Variants in PAX1 observed in about 807,000 individuals in gnomAD.
The protein encoded by PAX1 is paired box protein Pax-1.
PAX1 carries 18 observed loss-of-function variants against 35.6 expected under a neutral mutation model. That is an observed-to-expected ratio of 0.50 (90% confidence interval 0.35 to 0.75). PAX1 has a LOEUF of 0.75. Among genes scored for constraint, PAX1 ranks in the 30% least tolerant of loss-of-function variants. The pLI is 0.01. For missense variants in PAX1, 760 were observed against 661.5 expected (o/e 1.15, Z -1.63); for synonymous variants, 397 against 305.2 (o/e 1.30, Z -3.14).
intron 4 of PAX1, among the ~76,000 whole-genome samples, chr20:21,713,260 G>A (rs1000287831): frequency 4.6e-5 from 7 of 152,194 alleles, no homozygotes; most frequent in African/African-American, 1.7e-4. Context: ...TTGGCTGGGC[G>A]GCCACAACTT....
At chr20:21,707,621 A>G (rs1985060019) in intron 2 of PAX1, among the ~76,000 whole-genome samples, 1 of 152,186 alleles carries the variant, frequency 6.6e-6, no homozygotes, top group Non-Finnish European at 1.5e-5. Flanking sequence ...TTTATCTGCA[A>G]CTAAAGCTTA....
At position 21,706,503 on chromosome 20, in the gene PAX1, G is replaced by C; in HGVS notation, c.352G>C (p.Ala118Pro). ...VFVNGRPLPN[A>P]IRLRIVELAQ... ...CGTCAACGGCCGCCCCCTGCCCAAC[G>C]CCATCCGCTTGCGCATTGTGGAGCT... Residue 118 changes from alanine (A) to proline (P), a missense_variant, in exon 2 of 5, where the codon GCC becomes CCC. Physicochemically the swap from Ala to Pro is conservative, Grantham distance 27. Coordinates refer to ENST00000613128, the MANE Select transcript of PAX1 (RefSeq NM_001257096.2). This position sits in a 1 kb window ranked among gnomAD's most constrained non-coding sequence, Gnocchi z 5.3. 1 of 1,612,126 alleles carries C rather than the reference G, an allele frequency of 6.2e-7. No homozygotes were observed. The highest frequency in any genetic ancestry group is 1.1e-5 in the South Asian group (1 of 91,072).
rs1985330921 is a variant in PAX1, at chr20:21,715,218, C to T, written c.*656C>T. 2 of 243,280 alleles carry T rather than the reference C, an allele frequency of 8.2e-6. No homozygotes were observed. The highest frequency in any genetic ancestry group is 1.1e-4 in the Admixed American group (2 of 19,034). The allele number at this position is 243,280 out of a possible 1,614,324, so 15.1% of individuals were successfully genotyped here. On this transcript the variant is annotated 3_prime_UTR_variant, in exon 5 of 5. Coordinates refer to ENST00000613128, the MANE Select transcript of PAX1 (RefSeq NM_001257096.2). ...ACTGCTTCCCCAACCCTCCCTCAGT[C>T]CCTGAGAGCCCTAGAGCCATCTCGG...
At chr20:21,707,220 C>T (rs1985049130) in intron 2 of PAX1, among the ~76,000 whole-genome samples, 153 bp downstream of exon 2, 2 of 152,082 alleles carry the variant, frequency 1.3e-5, no homozygotes, top group Admixed American at 6.5e-5. Context: ...GGGTCCTGGG[C>T]CTTTTGTAAG....
Position 21,706,400 on chromosome 20 carries a change from C to CT in PAX1, c.287-37dup, listed in dbSNP as rs746618411. ...CCTTGGCTAACCCGCCGGGTGTTTT[C>CT]TCCCCCTCCGGCTCACTCTTGTCTG... On this transcript the variant is annotated intron_variant, in intron 1 of 4. Coordinates refer to ENST00000613128, the MANE Select transcript of PAX1 (RefSeq NM_001257096.2). This position sits in a 1 kb window ranked among gnomAD's most constrained non-coding sequence, Gnocchi z 5.3. 4.4e-6 allele frequency: 7 copies of CT among 1,608,560 alleles called. No homozygotes were observed. The highest frequency in any genetic ancestry group is 1.3e-5 in the African/African-American group (1 of 75,072).
chr20:21,706,527 C>A lies in PAX1; in HGVS notation c.376C>A (p.Leu126Met). The A allele has an allele frequency of 6.2e-7, 1 of 1,612,306 alleles. No individual in the cohort carries two copies. Among genetic ancestry groups the A allele is most frequent in the Non-Finnish European group, 8.5e-7 (1 of 1,179,970 alleles). ...CGCCATCCGCTTGCGCATTGTGGAG[C>A]TGGCGCAGCTGGGCATCCGACCCTG... ...PNAIRLRIVELAQLGIRPCDI... is the reference protein window; with the variant it reads ...PNAIRLRIVEMAQLGIRPCDI... The change falls in exon 2 of 5, where the codon CTG becomes ATG. Residue 126 changes from leucine (L) to methionine (M), a missense_variant. By Grantham distance (15) the Leu-to-Met change is conservative. This residue lies in a region of PAX1 where 48 missense variants were observed against 80.0 expected (regional missense o/e 0.60). Transcript: ENST00000613128. The surrounding 1 kb of genome is among the most constrained non-coding windows in gnomAD (Gnocchi z 5.3).
At chr20:21,714,281 C>T (rs1202108885) in intron 4 of PAX1, among the ~76,000 whole-genome samples, 190 bp from the exon 5 acceptor site, 2 of 152,154 alleles carry the variant, frequency 1.3e-5, no homozygotes, top group African/African-American at 4.8e-5. Flanking sequence ...GCTCTCCTAG[C>T]GGGAGAGGAA....
chr20:21,705,807 C>A lies in PAX1; in HGVS notation c.95C>A (p.Ala32Glu). Reference protein sequence around the residue: ...AAAGPGAGGSALRCRAQRVSS... With the variant: ...AAAGPGAGGSELRCRAQRVSS... ...GCAGGCCCTGGAGCGGGCGGCAGCG[C>A]GCTCCGCTGCCGCGCACAGCGCGTC... Residue 32 changes from alanine (A) to glutamate (E), a missense_variant, in exon 1 of 5, where the codon GCG becomes GAG. Transcript: ENST00000613128. 1 of 1,278,982 alleles carries A rather than the reference C, an allele frequency of 7.8e-7. No homozygotes were observed. Among genetic ancestry groups the A allele is most frequent in the African/African-American group, 1.6e-5 (1 of 64,054 alleles). 79.2% of individuals were successfully genotyped at this position (1,278,982 alleles called of 1,614,324 possible).
At position 21,714,889 on chromosome 20, in the gene PAX1, T is replaced by C; in HGVS notation, c.*327T>C. On this transcript the variant is annotated 3_prime_UTR_variant, in exon 5 of 5. Coordinates refer to ENST00000613128, the MANE Select transcript of PAX1 (RefSeq NM_001257096.2). ...AAATTTCTTTTTTGTCACTCCCTTG[T>C]CCGTCTCCGTCTCGCCTCTCTCCCT... is the stretch of plus-strand genomic sequence containing the variant. The C allele has an allele frequency of 9.9e-7, 1 of 1,008,772 alleles. No individual in the cohort carries two copies. Among genetic ancestry groups the C allele is most frequent in the Non-Finnish European group, 1.5e-6 (1 of 657,424 alleles). The allele number at this position is 1,008,772 out of a possible 1,614,324, so 62.5% of individuals were successfully genotyped here.
intron 2 of PAX1, among the ~76,000 whole-genome samples, chr20:21,707,291 G>T (rs1568694513): frequency 6.6e-6 from 1 of 152,144 alleles, no homozygotes; most frequent in East Asian, 1.9e-4. Flanking sequence ...AAATAGAAGA[G>T]CAATCGCCGA....
At position 21,705,838 on chromosome 20, in the gene PAX1, C is replaced by T; in HGVS notation, c.126C>T (p.Ser42=). The T allele has an allele frequency of 7.3e-7, 1 of 1,365,556 alleles. No homozygotes were observed. Among genetic ancestry groups the T allele is most frequent in the South Asian group, 1.7e-5 (1 of 58,376 alleles). The allele number at this position is 1,365,556 out of a possible 1,614,324, so 84.6% of individuals were successfully genotyped here. A position where few individuals can be genotyped will look rare whatever the true frequency, so the allele number is the denominator to read the frequency against. ...ALRCRAQRVS[S]PRLGRRGSRL... is the part of the protein sequence containing the mutation. ...GCTGCCGCGCACAGCGCGTCTCCAGCCCGCGGCTGGGCCGCCGCGGCTCTC... is the reference window on the plus strand; with the variant it reads ...GCTGCCGCGCACAGCGCGTCTCCAGTCCGCGGCTGGGCCGCCGCGGCTCTC... Residue 42 remains serine (S), a synonymous_variant, in exon 1 of 5, where the codon AGC becomes AGT. Coordinates refer to ENST00000613128, the MANE Select transcript of PAX1 (RefSeq NM_001257096.2).
Position 21,706,989 on chromosome 20 carries a change from G to A in PAX1, c.838G>A (p.Val280Ile), listed in dbSNP as rs1181236853. ...CGGGGTCCCGGGCACGGCGGGCCAC[G>A]TCAGCATCCCGCGCTCATGGCCCTC... ...HPGVPGTAGHVSIPRSWPSAH... is the reference protein window; with the variant it reads ...HPGVPGTAGHISIPRSWPSAH... Residue 280 changes from valine (V) to isoleucine (I), a missense_variant, in exon 2 of 5, where the codon GTC becomes ATC. Physicochemically the swap from Val to Ile is conservative, Grantham distance 29 (BLOSUM62 3). Coordinates refer to ENST00000613128, the MANE Select transcript of PAX1 (RefSeq NM_001257096.2). The surrounding 1 kb of genome is among the most constrained non-coding windows in gnomAD (Gnocchi z 5.3). 20 of 1,612,948 alleles carry A rather than the reference G, an allele frequency of 1.2e-5. No homozygotes were observed. Among genetic ancestry groups the A allele is most frequent in the Middle Eastern group, 1.7e-4 (1 of 6,060 alleles).
At position 21,717,547 on chromosome 20, in the gene PAX1, A is replaced by T. The variant is rs1188118821; in HGVS notation, c.*2985A>T. On this transcript the variant is annotated 3_prime_UTR_variant, in exon 5 of 5. Coordinates refer to ENST00000613128, the MANE Select transcript of PAX1 (RefSeq NM_001257096.2). The stretch of plus-strand genomic sequence containing the variant: ...ATTTTCCAAAAGATCCCATTGGAAT[A>T]TTGCACTTTTGCTCTTTGTTCGTAT... 6.6e-6 allele frequency: 1 copy of T among 152,198 alleles called. No homozygotes were observed. Among genetic ancestry groups the T allele is most frequent in the Non-Finnish European group, 1.5e-5 (1 of 68,046 alleles). 9.4% of individuals were successfully genotyped at this position (152,198 alleles called of 1,614,324 possible). A position where few individuals can be genotyped will look rare whatever the true frequency, so the allele number is the denominator to read the frequency against.
Position 21,714,678 on chromosome 20 carries a change from G to C in PAX1, c.*116G>C. The C allele has an allele frequency of 6.2e-7, 1 of 1,605,478 alleles. No individual in the cohort carries two copies. Among genetic ancestry groups the C allele is most frequent in the Non-Finnish European group, 8.5e-7 (1 of 1,178,898 alleles). On this transcript the variant is annotated 3_prime_UTR_variant, in exon 5 of 5. Coordinates refer to ENST00000613128, the MANE Select transcript of PAX1 (RefSeq NM_001257096.2). ...CAGGATCGGAGGACTCGCGGAGGAG[G>C]AAGCCAGTGCCGGCCCGCGGGGTGC...
chr20:21,710,073 G>GGGTGGT (rs1037719698), intron 4 of PAX1, among the ~76,000 whole-genome samples: 7 of 148,914 alleles, frequency 4.7e-5, no homozygotes, highest in African/African-American at 4.9e-5. Flanking sequence ...CTGTGGTTGT[G>GGGTGGT]GGTGGTGGTG....
chr20:21,705,978 T>C lies in PAX1; in HGVS notation c.266T>C (p.Leu89Pro), dbSNP rs1453746431. 3 of 1,484,234 alleles carry C rather than the reference T, an allele frequency of 2.0e-6. No individual in the cohort carries two copies. The highest frequency in any genetic ancestry group is 8.9e-7 in the Non-Finnish European group (1 of 1,125,682). 91.9% of individuals were successfully genotyped at this position (1,484,234 alleles called of 1,614,324 possible). A position where few individuals can be genotyped will look rare whatever the true frequency, so the allele number is the denominator to read the frequency against. The change falls in exon 1 of 5, where the codon CTG becomes CCG. Residue 89 changes from leucine to proline, a missense_variant. Physicochemically the swap from Leu to Pro is moderately conservative, Grantham distance 98 (BLOSUM62 -3). Coordinates refer to ENST00000613128, the MANE Select transcript of PAX1 (RefSeq NM_001257096.2). ...GHPGHPGARQLAGPLAMEQTY... is the reference protein window; with the variant it reads ...GHPGHPGARQPAGPLAMEQTY... Reference sequence around the variant, plus strand: ...CCCGGCCACCCCGGCGCCAGGCAGCTGGCCGGCCCGCTCGCTATGGGTAAG... The same window carrying C: ...CCCGGCCACCCCGGCGCCAGGCAGCCGGCCGGCCCGCTCGCTATGGGTAAG...
intron 4 of PAX1, among the ~76,000 whole-genome samples, chr20:21,713,043 G>A (rs1454151735): frequency 6.6e-6 from 1 of 152,246 alleles, no homozygotes; most frequent in Admixed American, 6.5e-5. Context: ...AGGATGGCTT[G>A]GACAGGGCTA....
rs541456594 is a variant in PAX1 at position 21,709,247 on chromosome 20, G to A, written c.1085G>A (p.Gly362Asp). 1 of 1,606,590 alleles carries A rather than the reference G, an allele frequency of 6.2e-7. No homozygotes were observed. Among genetic ancestry groups the A allele is most frequent in the Non-Finnish European group, 8.5e-7 (1 of 1,179,682 alleles). ...TCGGCCTCCACCCTCTCTGCCGTGG[G>A]CGGCTTTCTCCCCGCCTGCGCCTAC... ...TQSASTLSAV[G>D]GFLPACAYPA... is the part of the protein sequence containing the mutation. The change falls in exon 4 of 5, where the codon GGC becomes GAC. Residue 362 changes from glycine (G) to aspartate (D), a missense_variant. By Grantham distance (94) the Gly-to-Asp change is moderately conservative. This residue lies in a region of PAX1 where 490 missense variants were observed against 428.4 expected (regional missense o/e 1.14). Transcript: ENST00000613128.
rs1328482228 is a variant in PAX1, at chr20:21,707,003, C to T, written c.852C>T (p.Arg284=). The T allele has an allele frequency of 1.2e-6, 2 of 1,612,944 alleles. No individual in the cohort carries two copies. The highest frequency in any genetic ancestry group is 1.3e-5 in the African/African-American group (1 of 74,944). ...CGGCGGGCCACGTCAGCATCCCGCG[C>T]TCATGGCCCTCGGCACACTCGGTCA... ...PGTAGHVSIP[R]SWPSAHSVSN... is the part of the protein sequence containing the mutation. The change falls in exon 2 of 5, where the codon CGC becomes CGT. Residue 284 remains arginine, a synonymous_variant. Transcript: ENST00000613128.
Sources: allele counts gnomAD v4.1 joint callset (sites outside exome capture counted in the v4.1 genomes callset), GRCh38; gene constraint gnomAD v4.1.1; regional missense constraint gnomAD v4.1.1; non-coding constraint Gnocchi (gnomAD v3.1); transcripts MANE v1.5; gene names NCBI Gene and HGNC (gene_info 2026-07-23, HGNC 2026-07-21).